UBE2U: variants seen among roughly 807,000 people sequenced by gnomAD.
UBE2U encodes ubiquitin conjugating enzyme E2 U, also known as ubiquitin-conjugating enzyme E2 U.
Under a neutral mutation model 41.2 loss-of-function variants are expected in UBE2U, and 39 were observed. The ratio of observed to expected loss-of-function variants is 0.95; its 90% CI spans 0.73 to 1.24. The LOEUF (loss-of-function observed/expected upper bound fraction) is 1.24. Ranked by LOEUF, UBE2U falls within the 50% of genes most tolerant of loss-of-function variation. The pLI, the probability that UBE2U is intolerant of heterozygous loss-of-function variation, is 0.00. For missense variants in UBE2U, 336 were observed against 363.1 expected, an observed-to-expected ratio of 0.93 and a Z score of 0.61; for synonymous variants, 107 against 117.8, an observed-to-expected ratio of 0.91 and a Z score of 0.60.
At chr1:64,237,070 T>G (rs983902482) in intron 7 of UBE2U, among the ~76,000 whole-genome samples, 1 of 152,216 alleles carries the variant, frequency 6.6e-6, no homozygotes, top group East Asian at 1.9e-4. Context: ...TTTTGCCATG[T>G]GCAGGTAAGT....
In UBE2U at chr1:64,243,457, G is replaced by T. The variant is rs111391416; in HGVS notation, c.677+1724G>T. ...TATGATAAAGAGGACAATTCATAGAGAATCAAGTAGAAAATGTTTGGGGAT... is the reference window on the plus strand; with the variant it reads ...TATGATAAAGAGGACAATTCATAGATAATCAAGTAGAAAATGTTTGGGGAT... On this transcript the variant is annotated intron_variant, in intron 8 of 9. Transcript: ENST00000371077. Among the ~76,000 whole-genome samples the T allele has an allele frequency of 1.9e-3, 289 of 152,224 alleles. 1 individual carries two copies. Among genetic ancestry groups the T allele is most frequent in the African/African-American group, 6.7e-3 (277 of 41,554 alleles).
At chr1:64,233,107 A>G (rs1384382089) in intron 7 of UBE2U, among the ~76,000 whole-genome samples, 2 of 151,664 alleles carry the variant, frequency 1.3e-5, no homozygotes, top group Non-Finnish European at 2.9e-5. Flanking sequence ...TCCCAGGTTC[A>G]CGCCATTCTC....
At chr1:64,244,091 GC>G (rs1350764620) in intron 8 of UBE2U, 1 of 1,459,688 alleles carries the variant, frequency 6.9e-7, no homozygotes, top group East Asian at 2.3e-5. Flanking sequence ...TATTATTCAT[GC>G]TTTTAAAACT....
At chr1:64,256,885 T>A (rs1184286433) in intron 8 of UBE2U, among the ~76,000 whole-genome samples, 1 of 148,680 alleles carries the variant, frequency 6.7e-6, no homozygotes, top group Non-Finnish European at 1.5e-5. Context: ...ATCCAGCATC[T>A]ACAAGGGACT....
chr1:64,220,794 T>C (rs1317320665), intron 5 of UBE2U, 65 bp from the exon 6 acceptor site: 12 of 1,155,700 alleles, frequency 1.0e-5, no homozygotes, highest in Non-Finnish European at 1.4e-5. Context: ...TTGGAAATAG[T>C]GCACATAAAG....
chr1:64,211,048 C>T (rs988195545), intron 4 of UBE2U, among the ~76,000 whole-genome samples: 14 of 151,744 alleles, frequency 9.2e-5, no homozygotes, highest in African/African-American at 3.4e-4. Context: ...TAGTTAAGGC[C>T]CCTCAAGACC....
chr1:64,260,989 G>A (rs1645172354), intron 9 of UBE2U, among the ~76,000 whole-genome samples: 1 of 152,134 alleles, frequency 6.6e-6, no homozygotes, highest in Non-Finnish European at 1.5e-5. Context: ...ATATGAAAAA[G>A]CAGCCAAAAC....
chr1:64,241,149 G>C (rs1644828671), intron 7 of UBE2U, among the ~76,000 whole-genome samples: 1 of 152,164 alleles, frequency 6.6e-6, no homozygotes, highest in Non-Finnish European at 1.5e-5. Flanking sequence ...TTCCTTGTAA[G>C]GGTTAAAGCA....
At chr1:64,208,603 CAAAAAAAAAAAAAAAAAAAAAAAAAAAAA>C (rs56972795) in intron 3 of UBE2U, among the ~76,000 whole-genome samples, 3 of 36,506 alleles carry the variant, frequency 8.2e-5, no homozygotes, top group East Asian at 8.9e-4. Context: ...GACGCTGTCT[CAAAAAAAAAAAAAAAAAAAAAAAAAAAAA>C]AAAAAAAAAA....
At chr1:64,213,699 A>G (rs1651795613) in intron 4 of UBE2U, among the ~76,000 whole-genome samples, 1 of 152,218 alleles carries the variant, frequency 6.6e-6, no homozygotes, top group Admixed American at 6.5e-5. Context: ...GAATTTTTAC[A>G]TTATTGCTAT....
chr1:64,219,727 C>G (rs1000526913), intron 5 of UBE2U, among the ~76,000 whole-genome samples: 1 of 151,888 alleles, frequency 6.6e-6, no homozygotes, highest in Admixed American at 6.6e-5. Flanking sequence ...TCCCAAGTAG[C>G]TGGGACTACA....
At chr1:64,250,109 A>G (rs1644982735) in intron 8 of UBE2U, among the ~76,000 whole-genome samples, 1 of 152,206 alleles carries the variant, frequency 6.6e-6, no homozygotes, top group Non-Finnish European at 1.5e-5. Context: ...GTCAAAATAT[A>G]ATAAATGACA....
chr1:64,265,708 A>G (rs1055253460), intron 9 of UBE2U, among the ~76,000 whole-genome samples: 5 of 152,144 alleles, frequency 3.3e-5, no homozygotes, highest in African/African-American at 1.2e-4. Flanking sequence ...CCTCCAGAGC[A>G]GCTGAGATTA....
At chr1:64,212,961 A>G (rs758434183) in intron 4 of UBE2U, among the ~76,000 whole-genome samples, 3 of 152,222 alleles carry the variant, frequency 2.0e-5, no homozygotes, top group Non-Finnish European at 2.9e-5. Context: ...TAATAAAACA[A>G]ATATGCCCAC....
chr1:64,209,433 T>C (rs1569951080), intron 3 of UBE2U, among the ~76,000 whole-genome samples: 2 of 152,292 alleles, frequency 1.3e-5, no homozygotes. Flanking sequence ...CTTCTGACCA[T>C]ACTGGGTATA....
In UBE2U at chr1:64,219,421, A is replaced by G. The variant is rs368820023; in HGVS notation, c.458-1438A>G. ...TCCTCCCCTTCCCTGCCTCCACATT[A>G]CATAGGACATTTGATAAGCTATTGA... On this transcript the variant is annotated intron_variant, in intron 5 of 9. Coordinates refer to ENST00000371077, the MANE Select transcript of UBE2U (RefSeq NM_001366232.2). Among the ~76,000 whole-genome samples, 10 of 152,102 alleles carry G rather than the reference A, an allele frequency of 6.6e-5. No homozygotes were observed. In the East Asian group the frequency reaches 9.7e-4, roughly 15 times the overall value.
At chr1:64,229,504 C>G in intron 6 of UBE2U, among the ~76,000 whole-genome samples, 1 of 152,102 alleles carries the variant, frequency 6.6e-6, no homozygotes, top group East Asian at 1.9e-4. Context: ...GGAAACAGAC[C>G]TGGAGAGGTT....
At chr1:64,217,251 A>G (rs928360414) in intron 5 of UBE2U, among the ~76,000 whole-genome samples, 25 of 152,194 alleles carry the variant, frequency 1.6e-4, no homozygotes, top group African/African-American at 6.0e-4. Flanking sequence ...AGATGTTATC[A>G]AAGAGCTTCT....
intron 7 of UBE2U, among the ~76,000 whole-genome samples, chr1:64,239,193 A>AAGAAGAAGAAGAAGAAGAAGAAGAAGAAG (rs1557731681): frequency 7.4e-6 from 1 of 134,890 alleles, no homozygotes; most frequent in East Asian, 2.3e-4. Flanking sequence ...AGAAGAAGAA[A>AAGAAGAAGAAGAAGAAGAAGAAGAAGAAG]GCCCCAGACA....
Sources: allele counts gnomAD v4.1 joint callset (sites outside exome capture counted in the v4.1 genomes callset), GRCh38; gene constraint gnomAD v4.1.1; transcripts MANE v1.5; gene names NCBI Gene and HGNC (gene_info 2026-07-23, HGNC 2026-07-21).